Variants in DEDD observed in about 807,000 individuals in gnomAD.
The protein encoded by DEDD is death effector domain containing, also known as death effector domain-containing protein.
In DEDD, 3 loss-of-function variants were observed where a neutral mutation model predicts 29.2. That is an observed-to-expected ratio of 0.10 (90% CI 0.05 to 0.27). The LOEUF (loss-of-function observed/expected upper bound fraction) is 0.27, where lower values mean the gene tolerates loss of function less well. DEDD is among the 10% of genes least tolerant of loss of function. The pLI, the probability that DEDD is intolerant of heterozygous loss-of-function variation, is 1.00. For missense variants in DEDD, 261 were observed against 420.5 expected, an observed-to-expected ratio of 0.62 and a Z score of 3.32; for synonymous variants, 152 against 161.3, an observed-to-expected ratio of 0.94 and a Z score of 0.44.
rs1655449298 is a variant in DEDD, at chr1:161,121,145, T to G, written c.*1002A>C. ...CTGGACTAAGCTCCAGTTCTAGACCTCCTGGCTCATTCAACATGCCTCCCT... is the reference window on the plus strand; with the variant it reads ...CTGGACTAAGCTCCAGTTCTAGACCGCCTGGCTCATTCAACATGCCTCCCT... On this transcript the variant is annotated 3_prime_UTR_variant, in exon 6 of 6. Coordinates refer to ENST00000368006, the MANE Select transcript of DEDD (RefSeq NM_032998.3). 2.8e-6 allele frequency: 3 copies of G among 1,068,346 alleles called. No homozygotes were observed. The allele number at this position is 1,068,346 out of a possible 1,614,324, so 66.2% of individuals were successfully genotyped here. A position where few individuals can be genotyped will look rare whatever the true frequency, so the allele number is the denominator to read the frequency against.
Position 161,124,403 on chromosome 1 carries a change from T to G in DEDD, c.60A>C (p.Glu20Asp). 6.2e-7 allele frequency: 1 copy of G among 1,613,142 alleles called. No individual in the cohort carries two copies. ...QVWPEEHGEQEHGLYSLHRMF... is the reference protein window; with the variant it reads ...QVWPEEHGEQDHGLYSLHRMF... ...TGCGGTGCAGGCTGTACAGCCCATG[T>G]TCCTGCTCACCATGCTCTTCTGGCC... Residue 20 changes from glutamate (E) to aspartate (D), a missense_variant, in exon 3 of 6, where the codon GAA becomes GAC. Coordinates refer to ENST00000368006, the MANE Select transcript of DEDD (RefSeq NM_032998.3).
intron 2 of DEDD, among the ~76,000 whole-genome samples, chr1:161,125,814 CCTT>C (rs1179607778): frequency 6.6e-6 from 1 of 152,156 alleles, no homozygotes; most frequent in Admixed American, 6.6e-5. Context: ...GGCAATACCA[CCTT>C]CTAAGCTTTC....
chr1:161,124,524 G>GT lies in DEDD; in HGVS notation c.-63dup. ...CTGCTCAGCAGCTGCAATCCCCACC[G>GT]TACTGAAAGGGCAGGGAAAGAACCG... On this transcript the variant is annotated splice_region_variant and 5_prime_UTR_variant, in exon 3 of 6. It introduces an in-frame stop codon into an upstream open reading frame of the 5' UTR. Transcript: ENST00000368006. 1 of 1,546,682 alleles carries GT rather than the reference G, an allele frequency of 6.5e-7. No homozygotes were observed. Among genetic ancestry groups the GT allele is most frequent in the South Asian group, 1.2e-5 (1 of 81,030 alleles).
chr1:161,121,134 A>G lies in DEDD; in HGVS notation c.*1013T>C. On this transcript the variant is annotated 3_prime_UTR_variant, in exon 6 of 6. Coordinates refer to ENST00000368006, the MANE Select transcript of DEDD (RefSeq NM_032998.3). ...TATTGTACCAGCTGGACTAAGCTCC[A>G]GTTCTAGACCTCCTGGCTCATTCAA... is the stretch of plus-strand genomic sequence containing the variant. The G allele has an allele frequency of 1.8e-6, 2 of 1,096,018 alleles. No individual in the cohort carries two copies. Among genetic ancestry groups the G allele is most frequent in the Non-Finnish European group, 2.2e-6 (2 of 895,030 alleles). The allele number at this position is 1,096,018 out of a possible 1,614,324, so 67.9% of individuals were successfully genotyped here.
intron 1 of DEDD, among the ~76,000 whole-genome samples, chr1:161,131,858 A>G (rs946218869): frequency 1.3e-5 from 2 of 151,304 alleles, no homozygotes; most frequent in African/African-American, 4.9e-5. Context: ...AAACCCCCGA[A>G]CCTCTATCAC....
chr1:161,125,707 G>A (rs1656094427), intron 2 of DEDD, among the ~76,000 whole-genome samples: 1 of 152,092 alleles, frequency 6.6e-6, no homozygotes, highest in Non-Finnish European at 1.5e-5. Context: ...TTACCATGAT[G>A]GTCAGGCTGG....
At position 161,122,874 on chromosome 1, in the gene DEDD, T is replaced by G; in HGVS notation, c.580+201A>C. 1 of 949,774 alleles carries G rather than the reference T, an allele frequency of 1.1e-6. No homozygotes were observed. Among genetic ancestry groups the G allele is most frequent in the Non-Finnish European group, 1.6e-6 (1 of 616,798 alleles). The allele number at this position is 949,774 out of a possible 1,614,324, so 58.8% of individuals were successfully genotyped here. A position where few individuals can be genotyped will look rare whatever the true frequency, so the allele number is the denominator to read the frequency against. On this transcript the variant is annotated intron_variant, in intron 5 of 5. Coordinates refer to ENST00000368006, the MANE Select transcript of DEDD (RefSeq NM_032998.3). This position sits in a 1 kb window ranked among gnomAD's most constrained non-coding sequence, Gnocchi z 4.2. ...ATAACAACATCCCTGTGATGTAGTA[T>G]TAACTAACAAGAGTTGAAATGTACC...
chr1:161,121,193 C>G lies in DEDD; in HGVS notation c.*954G>C. ...CCTACCTAAATAAAAGTGCAACACT[C>G]AGTGCATGTCCCAGCCCCATTCTCC... On this transcript the variant is annotated 3_prime_UTR_variant, in exon 6 of 6. Coordinates refer to ENST00000368006, the MANE Select transcript of DEDD (RefSeq NM_032998.3). The G allele has an allele frequency of 9.7e-7, 1 of 1,028,864 alleles. No individual in the cohort carries two copies. Among genetic ancestry groups the G allele is most frequent in the Non-Finnish European group, 1.2e-6 (1 of 855,160 alleles). The allele number at this position is 1,028,864 out of a possible 1,614,324, so 63.7% of individuals were successfully genotyped here.
At chr1:161,125,298 C>T (rs1006673231) in intron 2 of DEDD, 3 of 152,120 alleles carry the variant, frequency 2.0e-5, no homozygotes, top group Non-Finnish European at 4.4e-5. Context: ...TTCAAAGATA[C>T]AAGCATCCTT....
At position 161,124,089 on chromosome 1, in the gene DEDD, C is replaced by T. The variant is rs750022910; in HGVS notation, c.325+49G>A. On this transcript the variant is annotated intron_variant, in intron 3 of 5. Coordinates refer to ENST00000368006, the MANE Select transcript of DEDD (RefSeq NM_032998.3). ...CTTTGGACGCCTATGCTGCTCCTTC[C>T]TGGCCTCCCACAACTCTTCCCTGAT... 2.5e-6 allele frequency: 4 copies of T among 1,586,292 alleles called. No individual in the cohort carries two copies. In the South Asian group the frequency reaches 4.7e-5, roughly 19 times the overall value.
At chr1:161,130,177 G>A (rs904823603) in intron 2 of DEDD, among the ~76,000 whole-genome samples, 2 of 152,124 alleles carry the variant, frequency 1.3e-5, no homozygotes, top group African/African-American at 4.8e-5. Context: ...TCTGAACAGG[G>A]ATGATATTTG....
Position 161,122,916 on chromosome 1 carries a change from G to C in DEDD, c.580+159C>G. 7.4e-7 allele frequency: 1 copy of C among 1,343,238 alleles called. No homozygotes were observed. Among genetic ancestry groups the C allele is most frequent in the Non-Finnish European group, 1.1e-6 (1 of 939,016 alleles). 83.2% of individuals were successfully genotyped at this position (1,343,238 alleles called of 1,614,324 possible). Reference sequence around the variant, plus strand: ...AAATGTACCCTGCCACAATCATAAAGAGCAGTTCTTCCACCAGACACCAAA... The same window carrying C: ...AAATGTACCCTGCCACAATCATAAACAGCAGTTCTTCCACCAGACACCAAA... On this transcript the variant is annotated intron_variant, in intron 5 of 5. Transcript: ENST00000368006. The surrounding 1 kb of genome is among the most constrained non-coding windows in gnomAD (Gnocchi z 4.2).
Position 161,121,976 on chromosome 1 carries a change from C to T in DEDD, c.*171G>A. 1.2e-6 allele frequency: 1 copy of T among 807,060 alleles called. No individual in the cohort carries two copies. Among genetic ancestry groups the T allele is most frequent in the Non-Finnish European group, 1.9e-6 (1 of 526,100 alleles). 50.0% of individuals were successfully genotyped at this position (807,060 alleles called of 1,614,324 possible). A position where few individuals can be genotyped will look rare whatever the true frequency, so the allele number is the denominator to read the frequency against. ...AAGGGGAAGCCCAGGCACATGGGTG[C>T]AGGGAGGGGTGGGGAATACCACTTC... is the stretch of plus-strand genomic sequence containing the variant. On this transcript the variant is annotated 3_prime_UTR_variant, in exon 6 of 6. Transcript: ENST00000368006.
In DEDD at chr1:161,122,938, CA is replaced by C; in HGVS notation, c.580+136del. 3 of 1,551,746 alleles carry C rather than the reference CA, an allele frequency of 1.9e-6. No homozygotes were observed. The highest frequency in any genetic ancestry group is 2.7e-6 in the Non-Finnish European group (3 of 1,124,264). On this transcript the variant is annotated intron_variant, in intron 5 of 5. Coordinates refer to ENST00000368006, the MANE Select transcript of DEDD (RefSeq NM_032998.3). This position sits in a 1 kb window ranked among gnomAD's most constrained non-coding sequence, Gnocchi z 4.2. ...AAAGAGCAGTTCTTCCACCAGACACCAAACCATTCAGCCTCACTTTGCAATG... is the reference window on the plus strand; with the variant it reads ...AAAGAGCAGTTCTTCCACCAGACACCAACCATTCAGCCTCACTTTGCAATG...
Position 161,121,283 on chromosome 1 carries a change from C to A in DEDD, c.*864G>T. On this transcript the variant is annotated 3_prime_UTR_variant, in exon 6 of 6. Coordinates refer to ENST00000368006, the MANE Select transcript of DEDD (RefSeq NM_032998.3). ...GAAAAAGGAATTACTTCACTTACAC[C>A]TATGATGCCCTTTGCCCAAGCCAGA... 1.5e-6 allele frequency: 1 copy of A among 655,290 alleles called. No homozygotes were observed. The highest frequency in any genetic ancestry group is 1.9e-6 in the Non-Finnish European group (1 of 526,970). The allele number at this position is 655,290 out of a possible 1,614,324, so 40.6% of individuals were successfully genotyped here.
Position 161,122,135 on chromosome 1 carries a change from A to C in DEDD, c.*12T>G. 1 of 1,611,480 alleles carries C rather than the reference A, an allele frequency of 6.2e-7. No homozygotes were observed. The highest frequency in any genetic ancestry group is 8.5e-7 in the Non-Finnish European group (1 of 1,179,158). ...GATGGGAACAGTCCCCAAAGTGAGA[A>C]GAGGGAATAGGTCAGGGCAATGCTT... On this transcript the variant is annotated 3_prime_UTR_variant, in exon 6 of 6. Coordinates refer to ENST00000368006, the MANE Select transcript of DEDD (RefSeq NM_032998.3). The surrounding 1 kb of genome is among the most constrained non-coding windows in gnomAD (Gnocchi z 4.2).
At chr1:161,128,978 A>G (rs776608853) in intron 2 of DEDD, among the ~76,000 whole-genome samples, 2 of 152,164 alleles carry the variant, frequency 1.3e-5, no homozygotes, top group Non-Finnish European at 2.9e-5. Flanking sequence ...CAGGAGGTCT[A>G]CTTTGACCTA....
chr1:161,130,328 A>G (rs770006436), intron 2 of DEDD, among the ~76,000 whole-genome samples: 3 of 152,236 alleles, frequency 2.0e-5, no homozygotes, highest in African/African-American at 7.2e-5. Context: ...TTAAGAGTAC[A>G]TTCTTGCTGG....
intron 2 of DEDD, among the ~76,000 whole-genome samples, chr1:161,126,407 G>A (rs547487577): frequency 2.0e-5 from 3 of 148,290 alleles, no homozygotes; most frequent in African/African-American, 7.5e-5. Context: ...GCAGTGGCGC[G>A]ATCTTGGCTC....
Sources: gnomAD v4.1 joint callset for allele counts (sites outside exome capture counted in the v4.1 genomes callset) on GRCh38, gnomAD v4.1.1 for gene constraint, Gnocchi (gnomAD v3.1) non-coding constraint, MANE v1.5 for transcripts, NCBI Gene and HGNC (gene_info 2026-07-23, HGNC 2026-07-21) for gene names.